Variants in TUSC3 observed in about 807,000 individuals in gnomAD.
TUSC3 encodes the protein tumor suppressor candidate 3.
Under a neutral mutation model 44.8 loss-of-function variants are expected in TUSC3, and 45 were observed. That is an observed-to-expected ratio of 1.00 (90% CI 0.79 to 1.29). The LOEUF is 1.29. TUSC3 is among the 50% of genes most tolerant of loss of function. The pLI is 0.00. For missense variants in TUSC3, 519 were observed against 437.9 expected, an observed-to-expected ratio of 1.19 and a Z score of -1.65; for synonymous variants, 212 against 152.9, an observed-to-expected ratio of 1.39 and a Z score of -2.85.
chr8:15,532,119 A>C (rs1440211691), intron 2 of TUSC3, among the ~76,000 whole-genome samples: 1 of 152,096 alleles, frequency 6.6e-6, no homozygotes, highest in Non-Finnish European at 1.5e-5. Context: ...TGCAGATAGG[A>C]GATAACTAGC....
chr8:15,422,693 C>T (rs892603136), intron 1 of TUSC3, among the ~76,000 whole-genome samples: 1 of 151,882 alleles, frequency 6.6e-6, no homozygotes. Flanking sequence ...ACTCTGTCAC[C>T]CAGGCTGGGG....
At chr8:15,453,496 G>A (rs1800219164) in intron 1 of TUSC3, among the ~76,000 whole-genome samples, 1 of 152,096 alleles carries the variant, frequency 6.6e-6, no homozygotes, top group Non-Finnish European at 1.5e-5. Context: ...GTCAACTTGT[G>A]CAAATTGACT....
At chr8:15,682,810 T>G (rs895061047) in intron 6 of TUSC3, among the ~76,000 whole-genome samples, 1 of 142,898 alleles carries the variant, frequency 7.0e-6, no homozygotes, top group African/African-American at 2.5e-5. Flanking sequence ...TCTAGAACTT[T>G]CTTTTTTTTT....
intron 9 of TUSC3, chr8:15,748,746 T>G: frequency 1.7e-6 from 1 of 581,778 alleles, no homozygotes. Flanking sequence ...CTTGAAAATT[T>G]TTATCTTCCC....
At chr8:15,512,790 A>ATCAG (rs1369781608) in intron 2 of TUSC3, among the ~76,000 whole-genome samples, 1 of 144,966 alleles carries the variant, frequency 6.9e-6, no homozygotes, top group East Asian at 2.1e-4. Flanking sequence ...CAATCAATCA[A>ATCAG]TCAATCAATA....
intron 6 of TUSC3, 116 bp from the exon 7 acceptor site, chr8:15,730,549 AT>A: frequency 2.0e-6 from 2 of 980,784 alleles, no homozygotes; most frequent in Non-Finnish European, 3.1e-6. Context: ...GTAGAAAGTA[AT>A]AAAAAATTAG....
intron 2 of TUSC3, among the ~76,000 whole-genome samples, chr8:15,627,459 C>T (rs951455751): frequency 6.6e-6 from 1 of 152,248 alleles, no homozygotes; most frequent in Non-Finnish European, 1.5e-5. Context: ...TGGACAAGAA[C>T]TTGGGACCTG....
intron 1 of TUSC3, among the ~76,000 whole-genome samples, chr8:15,546,990 GAT>G (rs1400810925): frequency 2.6e-5 from 4 of 151,624 alleles, no homozygotes; most frequent in Non-Finnish European, 5.9e-5. Context: ...AAAAGTCTAA[GAT>G]AGAATAGCAT....
the TUSC3 span, among the ~76,000 whole-genome samples, chr8:15,829,405 C>T: frequency 2.4e-4 from 36 of 152,234 alleles, no homozygotes; most frequent in East Asian, 6.0e-3. Flanking sequence ...TTTTACCCTT[C>T]CTTACCTAAA....
intron 7 of TUSC3, among the ~76,000 whole-genome samples, chr8:15,740,312 A>G (rs1811134157): frequency 6.6e-6 from 1 of 152,170 alleles, no homozygotes; most frequent in Non-Finnish European, 1.5e-5. Context: ...TAATTTCTAA[A>G]GCAGGAAACA....
chr8:15,505,882 C>T (rs1297444905), intron 2 of TUSC3, among the ~76,000 whole-genome samples: 2 of 152,100 alleles, frequency 1.3e-5, no homozygotes, highest in Non-Finnish European at 2.9e-5. Context: ...TACAGAATCT[C>T]TGTAAAATCC....
chr8:15,849,411 A>G, the TUSC3 span, among the ~76,000 whole-genome samples: 2 of 152,204 alleles, frequency 1.3e-5, no homozygotes, highest in African/African-American at 4.8e-5. Flanking sequence ...TGCCTTTCTT[A>G]TAAAGATCTA....
At chr8:15,779,002 T>G in the TUSC3 span, among the ~76,000 whole-genome samples, 1 of 152,160 alleles carries the variant, frequency 6.6e-6, no homozygotes, top group African/African-American at 2.4e-5. Context: ...CTTTAGTAAT[T>G]CCTCAGCACT....
chr8:15,584,746 G>C (rs1185113762), intron 1 of TUSC3, among the ~76,000 whole-genome samples: 1 of 152,120 alleles, frequency 6.6e-6, no homozygotes, highest in Non-Finnish European at 1.5e-5. Flanking sequence ...CCCAGGTAGT[G>C]AGAACAGGAT....
intron 1 of TUSC3, among the ~76,000 whole-genome samples, chr8:15,585,135 G>A (rs1224002184): frequency 6.6e-6 from 1 of 152,056 alleles, no homozygotes; most frequent in African/African-American, 2.4e-5. Context: ...AAGAGAAGGG[G>A]ATAGAGTAAA....
chr8:15,461,953 G>GA (rs1290467547), intron 1 of TUSC3, among the ~76,000 whole-genome samples: 1 of 151,980 alleles, frequency 6.6e-6, no homozygotes, highest in Non-Finnish European at 1.5e-5. Context: ...TTGTGAAGAT[G>GA]AAAAATAAGT....
chr8:15,583,607 A>G (rs990295197), intron 1 of TUSC3, among the ~76,000 whole-genome samples: 1 of 152,208 alleles, frequency 6.6e-6, no homozygotes, highest in Admixed American at 6.5e-5. Context: ...AAGAATTTTG[A>G]AATATCATTG....
chr8:15,832,514 T>C, the TUSC3 span, among the ~76,000 whole-genome samples: 1 of 152,098 alleles, frequency 6.6e-6, no homozygotes, highest in Admixed American at 6.5e-5. Context: ...CTATGACCCA[T>C]TGGCATGCTG....
At chr8:15,786,217 C>A in the TUSC3 span, among the ~76,000 whole-genome samples, 1 of 152,194 alleles carries the variant, frequency 6.6e-6, no homozygotes, top group African/African-American at 2.4e-5. Flanking sequence ...TCATTACATA[C>A]AAGCTTGTCC....
Sources: allele counts gnomAD v4.1 joint callset (sites outside exome capture counted in the v4.1 genomes callset), GRCh38; gene constraint gnomAD v4.1.1; transcripts MANE v1.5; gene names NCBI Gene and HGNC (gene_info 2026-07-23, HGNC 2026-07-21).